SLC45A4: variants seen among roughly 807,000 people sequenced by gnomAD.
SLC45A4 encodes the protein solute carrier family 45 member 4, also known as polyamine-transporter SLC45A4.
SLC45A4 carries 32 observed loss-of-function variants against 63.7 expected under a neutral mutation model. That is an observed-to-expected ratio of 0.50 (90% CI 0.38 to 0.67). The LOEUF (loss-of-function observed/expected upper bound fraction) is 0.67, where lower values mean the gene tolerates loss of function less well. Among genes scored for constraint, SLC45A4 ranks in the 30% least tolerant of loss-of-function variants. The pLI is 0.00. For missense variants in SLC45A4, 1,027 were observed against 1,157.7 expected (o/e 0.89, Z 1.64); for synonymous variants, 535 against 510.0 (o/e 1.05, Z -0.66).
intron 1 of SLC45A4, among the ~76,000 whole-genome samples, chr8:141,263,133 G>A (rs568269769): frequency 0.012 from 1,756 of 147,470 alleles, 19 homozygotes; most frequent in Non-Finnish European, 0.019. Flanking sequence ...CAAACACCAC[G>A]TGTTCTCACT....
chr8:141,273,146 G>A (rs1185754498), intron 1 of SLC45A4, among the ~76,000 whole-genome samples: 2 of 152,218 alleles, frequency 1.3e-5, no homozygotes, highest in African/African-American at 4.8e-5. Context: ...GCGCCACTGA[G>A]CTTCTGTTAG....
At chr8:141,263,571 T>C (rs1304509266) in intron 1 of SLC45A4, among the ~76,000 whole-genome samples, 1 of 151,230 alleles carries the variant, frequency 6.6e-6, no homozygotes, top group Non-Finnish European at 1.5e-5. Flanking sequence ...AAGACCATCC[T>C]GGTCAACATG....
chr8:141,218,296 C>T lies in SLC45A4; in HGVS notation c.1344G>A (p.Leu448=). 2 of 1,605,852 alleles carry T rather than the reference C, an allele frequency of 1.2e-6. No individual in the cohort carries two copies. The highest frequency in any genetic ancestry group is 1.7e-6 in the Non-Finnish European group (2 of 1,179,864). The change falls in exon 5 of 9, where the codon CTG becomes CTA. Residue 448 remains leucine, a synonymous_variant. Transcript: ENST00000517878. ...YRYRRANAVV[L]IKPSRSMSDL... is the part of the protein sequence containing the mutation. ...CGCTCATGCTGCGCGACGGCTTGATCAGCACCACGGCGTTGGCGCGCCGGT... is the reference window on the plus strand; with the variant it reads ...CGCTCATGCTGCGCGACGGCTTGATTAGCACCACGGCGTTGGCGCGCCGGT...
In SLC45A4 at chr8:141,258,893, TAA is replaced by T. The variant is rs367859490; in HGVS notation, c.-400-4266_-400-4265del. 6.3e-3 allele frequency among the ~76,000 whole-genome samples: 915 copies of T among 146,340 alleles called. 20 individuals are homozygous for T. Among genetic ancestry groups the T allele is most frequent in the African/African-American group, 0.022 (888 of 39,762 alleles). ...GAGACACAGTGAGACCTCTTTTTTT[TAA>T]AAAAAAAAAAAACAGACTCTAAAAC... On this transcript the variant is annotated intron_variant, in intron 1 of 8. Transcript: ENST00000517878.
chr8:141,246,229 A>G (rs1828185766), intron 2 of SLC45A4, among the ~76,000 whole-genome samples: 1 of 152,188 alleles, frequency 6.6e-6, no homozygotes, highest in Admixed American at 6.5e-5. Flanking sequence ...AGAGTCTGAC[A>G]AACAGAATAT....
intron 1 of SLC45A4, among the ~76,000 whole-genome samples, chr8:141,263,764 C>T (rs866824914): frequency 5.3e-5 from 6 of 112,220 alleles, no homozygotes; most frequent in Admixed American, 1.9e-4. Context: ...AGCAAGACTC[C>T]GTCTCAAAAA....
At chr8:141,242,836 C>A (rs1211106473) in intron 2 of SLC45A4, among the ~76,000 whole-genome samples, 2 of 152,178 alleles carry the variant, frequency 1.3e-5, no homozygotes, top group Admixed American at 6.5e-5. Flanking sequence ...TTTATACAAA[C>A]ACCGCGGGAA....
Position 141,218,542 on chromosome 8 carries a change from G to A in SLC45A4, c.1098C>T (p.Ala366=), listed in dbSNP as rs756433650. Residue 366 remains alanine, a synonymous_variant, in exon 5 of 9, where the codon GCC becomes GCT. Coordinates refer to ENST00000517878, the MANE Select transcript of SLC45A4 (RefSeq NM_001286646.2). ...LPRLATFLKE[A]AKEDETLLDN... Reference sequence around the variant, plus strand: ...CCAGCAAGGTCTCGTCCTCCTTGGCGGCTTCCTTGAGGAAGGTGGCCAGGC... The same window carrying A: ...CCAGCAAGGTCTCGTCCTCCTTGGCAGCTTCCTTGAGGAAGGTGGCCAGGC... 6 of 1,613,502 alleles carry A rather than the reference G, an allele frequency of 3.7e-6. No individual in the cohort carries two copies. Among genetic ancestry groups the A allele is most frequent in the African/African-American group, 2.7e-5 (2 of 74,914 alleles).
chr8:141,292,170 A>G (rs764653394), intron 1 of SLC45A4, among the ~76,000 whole-genome samples: 72 of 152,368 alleles, frequency 4.7e-4, no homozygotes, highest in Middle Eastern at 3.4e-3. Context: ...GCGGGTGTCC[A>G]TGCACAACCT....
intron 2 of SLC45A4, among the ~76,000 whole-genome samples, chr8:141,232,199 G>C (rs570001819): frequency 6.6e-6 from 1 of 152,348 alleles, no homozygotes; most frequent in South Asian, 2.1e-4. Flanking sequence ...CCCCCCTCAG[G>C]CTCCCACACA....
intron 2 of SLC45A4, among the ~76,000 whole-genome samples, chr8:141,231,810 G>A (rs1681676076): frequency 6.6e-6 from 1 of 152,222 alleles, no homozygotes; most frequent in African/African-American, 2.4e-5. Context: ...ACTGCCACAT[G>A]AGACTGCTCT....
intron 1 of SLC45A4, among the ~76,000 whole-genome samples, chr8:141,305,700 A>G (rs7814723): frequency 0.96 from 145,492 of 152,288 alleles, 69,875 homozygotes; most frequent in Middle Eastern, 1. Context: ...ACTGGGCGTC[A>G]GGACCCTCGG....
chr8:141,219,649 C>A lies in SLC45A4; in HGVS notation c.610+1G>T. The A allele has an allele frequency of 6.2e-7, 1 of 1,604,462 alleles. No homozygotes were observed. Among genetic ancestry groups the A allele is most frequent in the African/African-American group, 1.3e-5 (1 of 74,954 alleles). On this transcript the variant is annotated splice_donor_variant, in intron 4 of 8. Coordinates refer to ENST00000517878, the MANE Select transcript of SLC45A4 (RefSeq NM_001286646.2). LOFTEE classifies it high-confidence loss of function. ...ACCCAGCCTTGGTGCGGCAGCGTTA[C>A]CGGCAGAGAAGGCGTGGATGTTGAG...
chr8:141,296,515 A>ATT lies in SLC45A4; in HGVS notation c.-401+11580_-401+11581insAA, dbSNP rs1487207610. 1.9e-4 allele frequency among the ~76,000 whole-genome samples: 24 copies of ATT among 128,090 alleles called. No homozygotes were observed. The South Asian group carries it at 3.2e-3, about 17-fold the overall frequency. The allele number at this position is 128,090 out of a possible 152,430, so 84.0% of individuals were successfully genotyped here. ...CCTCATTTCTTAAAAAAAAAAAAAA[A>ATT]AAAATTAAAATTAAAATTAAAATTA... On this transcript the variant is annotated intron_variant, in intron 1 of 8. Transcript: ENST00000517878.
chr8:141,213,988 C>A (rs762578864), intron 7 of SLC45A4, among the ~76,000 whole-genome samples: 3 of 152,136 alleles, frequency 2.0e-5, no homozygotes, highest in Non-Finnish European at 4.4e-5. Context: ...GGGTGGATCA[C>A]CTGAGGTCAG....
Position 141,208,185 on chromosome 8 carries a change from T to G in SLC45A4, c.*3387A>C, listed in dbSNP as rs1279804069. 6.6e-6 allele frequency: 1 copy of G among 152,246 alleles called. No homozygotes were observed. Among genetic ancestry groups the G allele is most frequent in the East Asian group, 1.9e-4 (1 of 5,200 alleles). 9.4% of individuals were successfully genotyped at this position (152,246 alleles called of 1,614,324 possible). On this transcript the variant is annotated 3_prime_UTR_variant, in exon 9 of 9. Coordinates refer to ENST00000517878, the MANE Select transcript of SLC45A4 (RefSeq NM_001286646.2). ...AATGTCTAGTGTGGACAGCAATATT[T>G]GGTGTTTTAACAAACCTGGTCTCTA...
intron 1 of SLC45A4, among the ~76,000 whole-genome samples, chr8:141,305,718 G>A (rs1830876087): frequency 6.6e-6 from 1 of 152,164 alleles, no homozygotes; most frequent in Admixed American, 6.5e-5. Flanking sequence ...CGGGAAGAGC[G>A]GGAGAGGGCA....
Position 141,278,048 on chromosome 8 carries a change from A to G in SLC45A4, c.-400-23419T>C, listed in dbSNP as rs182008976. On this transcript the variant is annotated intron_variant, in intron 1 of 8. Transcript: ENST00000517878. This position sits in a 1 kb window ranked among gnomAD's most constrained non-coding sequence, Gnocchi z 4.1. The stretch of plus-strand genomic sequence containing the variant: ...CTCAGCCTCCCAAGCAGCTGGGACT[A>G]CAGATGCATGCCAACATCCATGTCC... Among the ~76,000 whole-genome samples, 1 of 152,362 alleles carries G rather than the reference A, an allele frequency of 6.6e-6. No homozygotes were observed. The highest frequency in any genetic ancestry group is 2.4e-5 in the African/African-American group (1 of 41,592).
At chr8:141,284,365 G>C (rs1830065332) in intron 1 of SLC45A4, among the ~76,000 whole-genome samples, 1 of 152,242 alleles carries the variant, frequency 6.6e-6, no homozygotes, top group African/African-American at 2.4e-5. Context: ...ACCCCAGCCA[G>C]TGCGGGTCTC....
Sources: allele counts gnomAD v4.1 joint callset (sites outside exome capture counted in the v4.1 genomes callset), GRCh38; gene constraint gnomAD v4.1.1; non-coding constraint Gnocchi (gnomAD v3.1); transcripts MANE v1.5; gene names NCBI Gene and HGNC (gene_info 2026-07-23, HGNC 2026-07-21).